Variants in ADGRF5 observed in about 807,000 individuals in gnomAD.
ADGRF5 encodes the protein G-protein coupled receptor 116.
ADGRF5 carries 75 observed loss-of-function variants against 132.3 expected under a neutral mutation model. The ratio of observed to expected loss-of-function variants is 0.57; its 90% CI spans 0.47 to 0.69. ADGRF5 has a LOEUF of 0.69. ADGRF5 is among the 30% of genes least tolerant of loss of function. The probability of loss-of-function intolerance (pLI) is 0.00; values close to 1 mark genes in which losing one functional copy is unlikely to be tolerated. For synonymous variants in ADGRF5, 629 were observed against 597.6 expected (o/e 1.05, Z -0.77); for missense variants, 1,516 against 1,630.6 (o/e 0.93, Z 1.21).
chr6:46,888,582 T>C (rs1264593273), intron 3 of ADGRF5, 77 bp from the exon 4 acceptor site: 1 of 983,438 alleles, frequency 1.0e-6, no homozygotes, highest in East Asian at 2.4e-5. Context: ...ATTTCAGCAG[T>C]TAAAGGTAAT....
At position 46,863,490 on chromosome 6, in the gene ADGRF5, G is replaced by C. The variant is rs140848988; in HGVS notation, c.1991-394C>G. On this transcript the variant is annotated intron_variant, in intron 14 of 20. Coordinates refer to ENST00000283296, the MANE Select transcript of ADGRF5 (RefSeq NM_001098518.2). The stretch of plus-strand genomic sequence containing the variant: ...CCTGGTGATTCCAGTGTGCTGTCAA[G>C]GTTGAGAATCACTGCCATAATCCAA... 7.3e-3 allele frequency among the ~76,000 whole-genome samples: 1,110 copies of C among 152,308 alleles called. 7 individuals carry two copies. The highest frequency in any genetic ancestry group is 0.017 in the Middle Eastern group (5 of 294).
At chr6:46,876,528 A>G (rs1771676454) in intron 10 of ADGRF5, among the ~76,000 whole-genome samples, 1 of 152,206 alleles carries the variant, frequency 6.6e-6, no homozygotes, top group Non-Finnish European at 1.5e-5. Context: ...CTTATGTCTA[A>G]TACAAATGCT....
intron 4 of ADGRF5, among the ~76,000 whole-genome samples, chr6:46,886,249 T>G (rs1773059151): frequency 6.6e-6 from 1 of 152,218 alleles, no homozygotes; most frequent in African/African-American, 2.4e-5. Flanking sequence ...TTCGAGTTAA[T>G]TCCTTGGGCA....
chr6:46,892,538 T>G (rs1581881883), intron 3 of ADGRF5, among the ~76,000 whole-genome samples: 1 of 151,944 alleles, frequency 6.6e-6, no homozygotes, highest in Admixed American at 6.6e-5. Flanking sequence ...GATCACAAGG[T>G]CAGGAGTTCG....
At chr6:46,933,146 G>A (rs950216275) in intron 1 of ADGRF5, among the ~76,000 whole-genome samples, 9 of 152,180 alleles carry the variant, frequency 5.9e-5, no homozygotes, top group African/African-American at 1.9e-4. Context: ...GCATAGAGAC[G>A]TGGAATGCTG....
At chr6:46,903,127 T>A (rs1018527849) in intron 2 of ADGRF5, among the ~76,000 whole-genome samples, 6 of 152,048 alleles carry the variant, frequency 3.9e-5, no homozygotes, top group African/African-American at 1.4e-4. Context: ...CCATCCTGAG[T>A]CCTCATGTTA....
In ADGRF5 at chr6:46,895,132, G is replaced by A. The variant is rs113695099; in HGVS notation, c.157+4897C>T. Reference sequence around the variant, plus strand: ...GCGGAGGTTGCAGTGAGCCGAGATCGCACCACTGCACTCCAGCCTGAGTGA... The same window carrying A: ...GCGGAGGTTGCAGTGAGCCGAGATCACACCACTGCACTCCAGCCTGAGTGA... On this transcript the variant is annotated intron_variant, in intron 3 of 20. Coordinates refer to ENST00000283296, the MANE Select transcript of ADGRF5 (RefSeq NM_001098518.2). 6.6e-5 allele frequency among the ~76,000 whole-genome samples: 10 copies of A among 151,910 alleles called. 1 individual carries two copies. In the South Asian group the frequency reaches 1.0e-3, roughly 16 times the overall value.
At chr6:46,901,561 G>C (rs1455587676) in intron 2 of ADGRF5, among the ~76,000 whole-genome samples, 1 of 152,342 alleles carries the variant, frequency 6.6e-6, no homozygotes, top group East Asian at 1.9e-4. Context: ...GGTAGATGCT[G>C]TTATTATCCA....
chr6:46,949,652 G>A (rs1778424256), intron 1 of ADGRF5, among the ~76,000 whole-genome samples: 1 of 152,172 alleles, frequency 6.6e-6, no homozygotes, highest in South Asian at 2.1e-4. Flanking sequence ...TTAGACCTCG[G>A]AATGGCTAGG....
chr6:46,905,440 A>C (rs1775241743), intron 2 of ADGRF5: 1 of 152,202 alleles, frequency 6.6e-6, no homozygotes, highest in Non-Finnish European at 1.5e-5. Flanking sequence ...CGTGAAACAA[A>C]ATCCTGAAGG....
At chr6:46,914,137 G>A (rs1359350222) in intron 1 of ADGRF5, among the ~76,000 whole-genome samples, 2 of 152,176 alleles carry the variant, frequency 1.3e-5, no homozygotes, top group African/African-American at 4.8e-5. Flanking sequence ...CAACTTTCAG[G>A]AGGACTATCA....
intron 4 of ADGRF5, among the ~76,000 whole-genome samples, chr6:46,885,158 A>G (rs1207521934): frequency 6.6e-6 from 1 of 150,960 alleles, no homozygotes; most frequent in Non-Finnish European, 1.5e-5. Context: ...TGCAACCACT[A>G]CACTCCAGCC....
At chr6:46,905,878 T>C (rs1053840537) in intron 2 of ADGRF5, among the ~76,000 whole-genome samples, 10 of 152,346 alleles carry the variant, frequency 6.6e-5, no homozygotes, top group Admixed American at 5.9e-4. Flanking sequence ...GAGCATCTTA[T>C]AGATATGAAC....
chr6:46,869,468 C>T (rs12527172), intron 11 of ADGRF5: 144,007 of 709,768 alleles, frequency 0.2, 15,661 homozygotes, highest in East Asian at 0.37. Flanking sequence ...AACAAATGGC[C>T]GGGTTCCTCT....
In ADGRF5 at chr6:46,858,996, G is replaced by C; in HGVS notation, c.2907C>G (p.Asp969Glu). The C allele has an allele frequency of 1.2e-6, 2 of 1,614,130 alleles. No individual in the cohort carries two copies. The highest frequency in any genetic ancestry group is 1.3e-5 in the African/African-American group (1 of 75,038). Residue 969 changes from aspartate to glutamate, a missense_variant, in exon 17 of 21, where the codon GAC becomes GAG. Asp to Glu is a conservative substitution (Grantham distance 45). Around this residue, in one of 2 missense-constraint regions of ADGRF5, gnomAD observed 571 missense variants for 701.2 expected, o/e 0.81. Transcript: ENST00000283296. ...FRLANNTGGW[D>E]SSGCYVEEGD... ...CTTCTTCTACATAGCACCCACTGCT[G>C]TCCCACCCCCCTGTGTTGTTGGCAA...
chr6:46,869,243 G>C, intron 11 of ADGRF5, 151 bp from the exon 12 acceptor site: 1 of 1,467,658 alleles, frequency 6.8e-7, no homozygotes, highest in Non-Finnish European at 8.9e-7. Flanking sequence ...GGTAGAATTG[G>C]TACCTTGCTG....
At chr6:46,912,976 A>G (rs1776090566) in intron 1 of ADGRF5, among the ~76,000 whole-genome samples, 1 of 152,214 alleles carries the variant, frequency 6.6e-6, no homozygotes, top group Non-Finnish European at 1.5e-5. Flanking sequence ...TGTTACAGTC[A>G]GCCCCTTTTT....
At chr6:46,932,504 T>G (rs1256131146) in intron 1 of ADGRF5, among the ~76,000 whole-genome samples, 1 of 152,194 alleles carries the variant, frequency 6.6e-6, no homozygotes, top group African/African-American at 2.4e-5. Context: ...CACAAGGGTT[T>G]TCTGTGCACA....
chr6:46,867,048 T>C lies in ADGRF5; in HGVS notation c.1711A>G (p.Ile571Val). Residue 571 changes from isoleucine (I) to valine (V), a missense_variant, in exon 13 of 21, where the codon ATC becomes GTC. Physicochemically the swap from Ile to Val is conservative, Grantham distance 29. Transcript: ENST00000283296. ...IVHPLPLKLN[I>V]MVDPLEATVS... The stretch of plus-strand genomic sequence containing the variant: ...GTAGCTTCCAAAGGATCAACCATGA[T>C]GTTCAGCTTTAGAGGCAGCGGGTGA... 6.2e-7 allele frequency: 1 copy of C among 1,613,702 alleles called. No homozygotes were observed. The highest frequency in any genetic ancestry group is 8.5e-7 in the Non-Finnish European group (1 of 1,179,552).
Sources: gnomAD v4.1 joint callset for allele counts (sites outside exome capture counted in the v4.1 genomes callset) on GRCh38, gnomAD v4.1.1 for gene constraint, gnomAD v4.1.1 regional missense constraint, MANE v1.5 for transcripts, NCBI Gene and HGNC (gene_info 2026-07-23, HGNC 2026-07-21) for gene names.